XPR1: variants seen among roughly 807,000 people sequenced by gnomAD.
XPR1 encodes the protein xenotropic and polytropic retrovirus receptor 1, also known as solute carrier family 53 member 1.
XPR1 carries 28 observed loss-of-function variants against 87.5 expected under a neutral mutation model. The observed-to-expected ratio is 0.32, with a 90% CI of 0.24 to 0.44. The LOEUF is 0.44. Among genes scored for constraint, XPR1 ranks in the 20% least tolerant of loss-of-function variants. XPR1 has a pLI of 1.00. For synonymous variants in XPR1, 300 were observed against 306.1 expected (o/e 0.98, Z 0.21); for missense variants, 559 against 862.3 (o/e 0.65, Z 4.41).
intron 2 of XPR1, among the ~76,000 whole-genome samples, chr1:180,757,869 TAAAAAAA>T (rs35162664): frequency 3.0e-4 from 12 of 40,072 alleles, no homozygotes; most frequent in Middle Eastern, 0.02. Flanking sequence ...GTTGAAAATG[TAAAAAAA>T]AAAAAAAAAA....
At chr1:180,644,390 C>CGAGA (rs1190201653) in intron 1 of XPR1, among the ~76,000 whole-genome samples, 1 of 151,134 alleles carries the variant, frequency 6.6e-6, no homozygotes, top group African/African-American at 2.4e-5. Context: ...GTTGGCTCTC[C>CGAGA]CTCTTCTGAT....
At chr1:180,879,417 G>A (rs145201139) in intron 13 of XPR1, among the ~76,000 whole-genome samples, 20 of 152,162 alleles carry the variant, frequency 1.3e-4, no homozygotes, top group African/African-American at 4.6e-4. Context: ...TCTGTGGGTG[G>A]GCCCTCTTCC....
chr1:180,865,113 A>G (rs1175246796), intron 12 of XPR1, among the ~76,000 whole-genome samples: 1 of 152,200 alleles, frequency 6.6e-6, no homozygotes, highest in Non-Finnish European at 1.5e-5. Context: ...TGGTGAATTC[A>G]AAGAATGATA....
chr1:180,730,744 G>A (rs1422097699), intron 2 of XPR1, among the ~76,000 whole-genome samples: 1 of 152,096 alleles, frequency 6.6e-6, no homozygotes, highest in Non-Finnish European at 1.5e-5. Context: ...GCTCACAGCA[G>A]CCTTGACATC....
chr1:180,734,182 A>G (rs868597567), intron 2 of XPR1, among the ~76,000 whole-genome samples: 1 of 152,172 alleles, frequency 6.6e-6, no homozygotes, highest in African/African-American at 2.4e-5. Context: ...TGCATGTGTT[A>G]CCAAAACACC....
chr1:180,865,250 CAT>C (rs1271821505), intron 12 of XPR1, among the ~76,000 whole-genome samples: 2 of 152,066 alleles, frequency 1.3e-5, no homozygotes, highest in African/African-American at 4.8e-5. Context: ...AGATATTAGA[CAT>C]ATTTTTATAA....
At chr1:180,761,479 T>G (rs1273484148) in intron 2 of XPR1, among the ~76,000 whole-genome samples, 1 of 152,146 alleles carries the variant, frequency 6.6e-6, no homozygotes, top group African/African-American at 2.4e-5. Flanking sequence ...CAGACACTTC[T>G]CAAAAGAAGA....
chr1:180,638,350 A>C (rs1177632310), intron 1 of XPR1, among the ~76,000 whole-genome samples: 1 of 152,224 alleles, frequency 6.6e-6, no homozygotes, highest in Non-Finnish European at 1.5e-5. Context: ...ATTTGACATA[A>C]TAAAAGTTTG....
chr1:180,798,139 C>T (rs1212397101), intron 3 of XPR1, among the ~76,000 whole-genome samples: 1 of 151,526 alleles, frequency 6.6e-6, no homozygotes, highest in Non-Finnish European at 1.5e-5. Flanking sequence ...ATAAAAAATA[C>T]AAAATTATCA....
At chr1:180,694,773 G>GCGCA (rs1553237455) in intron 2 of XPR1, among the ~76,000 whole-genome samples, 12 of 149,632 alleles carry the variant, frequency 8.0e-5, no homozygotes, top group South Asian at 4.2e-4. Flanking sequence ...ATTGTTGTGT[G>GCGCA]CACACACACA....
intron 2 of XPR1, among the ~76,000 whole-genome samples, chr1:180,719,059 A>G (rs1432119963): frequency 6.6e-6 from 1 of 152,228 alleles, no homozygotes; most frequent in African/African-American, 2.4e-5. Context: ...TAATTTTACA[A>G]CATAATTCTG....
Position 180,884,246 on chromosome 1 carries a change from C to T in XPR1, c.*180C>T, listed in dbSNP as rs533902377. 2 of 488,304 alleles carry T rather than the reference C, an allele frequency of 4.1e-6. No individual in the cohort carries two copies. The highest frequency in any genetic ancestry group is 3.9e-5 in the Admixed American group (1 of 25,426). The allele number at this position is 488,304 out of a possible 1,614,324, so 30.2% of individuals were successfully genotyped here. On this transcript the variant is annotated 3_prime_UTR_variant, in exon 15 of 15. Transcript: ENST00000367590. ...AAGCTCACTGTGTTTCTTTTCTTTT[C>T]TTCTGGTTTAATTTTAATTTTCTAT...
At chr1:180,724,716 A>G (rs149121525) in intron 2 of XPR1, among the ~76,000 whole-genome samples, 150 of 152,348 alleles carry the variant, frequency 9.8e-4, no homozygotes, top group African/African-American at 3.4e-3. Context: ...TTATTTAGCT[A>G]GAACTAATAA....
At chr1:180,814,080 C>T (rs1341480066) in intron 7 of XPR1, among the ~76,000 whole-genome samples, 3 of 152,006 alleles carry the variant, frequency 2.0e-5, no homozygotes, top group East Asian at 3.8e-4. Context: ...AGTAGATGTT[C>T]GAGAGATAAT....
intron 4 of XPR1, among the ~76,000 whole-genome samples, chr1:180,804,598 CAAA>C (rs1345595678): frequency 1.3e-5 from 2 of 151,854 alleles, no homozygotes; most frequent in Non-Finnish European, 2.9e-5. Flanking sequence ...GATTATGTAA[CAAA>C]AGTATTACCT....
chr1:180,713,520 T>C (rs921246382), intron 2 of XPR1, among the ~76,000 whole-genome samples: 2 of 152,214 alleles, frequency 1.3e-5, no homozygotes, highest in Admixed American at 6.5e-5. Flanking sequence ...GAATCTCTAA[T>C]GCAATGTTGG....
intron 2 of XPR1, among the ~76,000 whole-genome samples, chr1:180,696,204 G>GTATATATATATATATA (rs1280091948): frequency 1.1e-4 from 11 of 102,432 alleles, no homozygotes; most frequent in Non-Finnish European, 1.8e-4. Context: ...GTGTGTGTGT[G>GTATATATATATATATA]TGTGTATATA....
chr1:180,767,997 A>G (rs992313346), intron 2 of XPR1, among the ~76,000 whole-genome samples: 1 of 151,982 alleles, frequency 6.6e-6, no homozygotes, highest in Non-Finnish European at 1.5e-5. Context: ...GGCGCCCGCC[A>G]CCATTCCTGG....
chr1:180,795,927 C>T (rs1257781881), intron 3 of XPR1, among the ~76,000 whole-genome samples: 1 of 152,128 alleles, frequency 6.6e-6, no homozygotes, highest in Admixed American at 6.5e-5. Context: ...CTGCCTCAGC[C>T]TCCTGAGTAG....
Sources: allele counts gnomAD v4.1 joint callset (sites outside exome capture counted in the v4.1 genomes callset), GRCh38; gene constraint gnomAD v4.1.1; transcripts MANE v1.5; gene names NCBI Gene and HGNC (gene_info 2026-07-23, HGNC 2026-07-21).